The following CARMIL1 variants were observed in gnomAD, a reference collection of about 807,000 sequenced individuals.
CARMIL1 encodes the protein F-actin-uncapping protein LRRC16A.
A neutral mutation model predicts 177.1 loss-of-function variants in CARMIL1; 90 were observed. The observed-to-expected ratio is 0.51, with a 90% confidence interval of 0.43 to 0.61. The LOEUF is 0.61. Ranked by LOEUF, CARMIL1 falls within the 20% of genes least tolerant of loss-of-function variation. The pLI is 0.00. For missense variants in CARMIL1, 1,380 were observed against 1,667.0 expected (o/e 0.83, Z 3.00); for synonymous variants, 577 against 606.2 (o/e 0.95, Z 0.71).
chr6:25,375,463 C>T (rs1790877480), intron 2 of CARMIL1, among the ~76,000 whole-genome samples: 1 of 152,146 alleles, frequency 6.6e-6, no homozygotes, highest in African/African-American at 2.4e-5. Context: ...GACTGTATGC[C>T]TTGATGGTGT....
chr6:25,337,315 C>T (rs917561122), intron 2 of CARMIL1, among the ~76,000 whole-genome samples: 1 of 152,124 alleles, frequency 6.6e-6, no homozygotes, highest in African/African-American at 2.4e-5. Flanking sequence ...ATAACATTTC[C>T]TGAGGATTGC....
At chr6:25,490,050 G>A (rs1163533718) in intron 13 of CARMIL1, among the ~76,000 whole-genome samples, 4 of 152,294 alleles carry the variant, frequency 2.6e-5, no homozygotes, top group South Asian at 4.1e-4. Context: ...TCCTGTTGTA[G>A]CTTGCTTCTG....
chr6:25,356,097 C>CCGGACTG (rs1275162555), intron 2 of CARMIL1, among the ~76,000 whole-genome samples: 3 of 151,242 alleles, frequency 2.0e-5, no homozygotes, highest in East Asian at 1.9e-4. Flanking sequence ...GTCGCCCAGG[C>CCGGACTG]CGGACTGCGG....
At chr6:25,415,513 A>C (rs1457878972) in intron 2 of CARMIL1, among the ~76,000 whole-genome samples, 1 of 140,636 alleles carries the variant, frequency 7.1e-6, no homozygotes, top group African/African-American at 2.7e-5. Context: ...GTTATTCCCT[A>C]AAGTGCAACA....
In CARMIL1 at chr6:25,282,906, A is replaced by G. The variant is rs1162810995; in HGVS notation, c.41-1906A>G. Among the ~76,000 whole-genome samples the G allele has an allele frequency of 3.3e-5, 5 of 152,194 alleles. 1 individual carries two copies. The South Asian group carries it at 6.2e-4, about 19-fold the overall frequency. ...CCTGTGAAATGCAAAGACCATCTCT[A>G]TCTAGCACCTAGTAGAGTACCTGAC... On this transcript the variant is annotated intron_variant, in intron 1 of 36. Coordinates refer to ENST00000329474, the MANE Select transcript of CARMIL1 (RefSeq NM_017640.6).
rs184606101 is a variant in CARMIL1 at position 25,563,778 on chromosome 6, G to C, written c.2742+6928G>C. The C allele has an allele frequency of 5.1e-6, 5 of 985,270 alleles. No individual in the cohort carries two copies. In the African/African-American group the frequency reaches 8.7e-5, roughly 17 times the overall value. 61.0% of individuals were successfully genotyped at this position (985,270 alleles called of 1,614,324 possible). ...GGGAAGAAGTGGCAAGGTAGTTTTG[G>C]TGGATCACAGAACCACCGTCTGTGT... On this transcript the variant is annotated intron_variant, in intron 29 of 36. Coordinates refer to ENST00000329474, the MANE Select transcript of CARMIL1 (RefSeq NM_017640.6).
chr6:25,341,712 T>C (rs1786964487), intron 2 of CARMIL1, among the ~76,000 whole-genome samples: 1 of 152,220 alleles, frequency 6.6e-6, no homozygotes, highest in Non-Finnish European at 1.5e-5. Context: ...CGAGACTCTG[T>C]CTCAAAACAA....
chr6:25,534,209 G>A (rs1808062503), intron 24 of CARMIL1, among the ~76,000 whole-genome samples: 1 of 151,540 alleles, frequency 6.6e-6, no homozygotes, highest in Admixed American at 6.6e-5. Flanking sequence ...CTTTGTATCA[G>A]GGAAGCTGAG....
At chr6:25,431,000 T>A (rs1300789882) in intron 4 of CARMIL1, among the ~76,000 whole-genome samples, 3 of 152,216 alleles carry the variant, frequency 2.0e-5, no homozygotes, top group Non-Finnish European at 4.4e-5. Context: ...AATTTTTTTT[T>A]ATCTTTTCAA....
At chr6:25,352,611 A>C (rs1788219238) in intron 2 of CARMIL1, among the ~76,000 whole-genome samples, 1 of 152,130 alleles carries the variant, frequency 6.6e-6, no homozygotes, top group Non-Finnish European at 1.5e-5. Flanking sequence ...AGATTGGTAA[A>C]TGTTTTTTAA....
At chr6:25,403,194 G>A (rs1256509478) in intron 2 of CARMIL1, among the ~76,000 whole-genome samples, 1 of 151,742 alleles carries the variant, frequency 6.6e-6, no homozygotes, top group Non-Finnish European at 1.5e-5. Context: ...TTTCATGGGT[G>A]TAAACCAAAC....
intron 31 of CARMIL1, among the ~76,000 whole-genome samples, chr6:25,592,845 A>G (rs1047453667): frequency 2.0e-5 from 3 of 152,224 alleles, no homozygotes; most frequent in African/African-American, 7.2e-5. Flanking sequence ...CTTGTATCCA[A>G]CAGCATGGGC....
chr6:25,316,658 T>C (rs2150225328), intron 2 of CARMIL1, among the ~76,000 whole-genome samples: 1 of 152,246 alleles, frequency 6.6e-6, no homozygotes. Context: ...GTGATCTGCC[T>C]GCCTCGGCCT....
chr6:25,497,286 C>T (rs574828302), intron 16 of CARMIL1, among the ~76,000 whole-genome samples: 1 of 152,184 alleles, frequency 6.6e-6, no homozygotes, highest in Admixed American at 6.5e-5. Flanking sequence ...TATGGCCTGT[C>T]ACCTTTAATG....
intron 23 of CARMIL1, among the ~76,000 whole-genome samples, chr6:25,522,805 T>C (rs1806705835): frequency 6.7e-6 from 1 of 148,446 alleles, no homozygotes; most frequent in Non-Finnish European, 1.5e-5. Context: ...TATGACTGGA[T>C]ACTTCATTGA....
intron 2 of CARMIL1, among the ~76,000 whole-genome samples, chr6:25,348,519 C>T (rs192540893): frequency 3.3e-5 from 5 of 152,084 alleles, no homozygotes; most frequent in African/African-American, 9.6e-5. Context: ...CGTGATGGCT[C>T]ACGCCTGTAA....
chr6:25,327,500 A>G (rs1270085638), intron 2 of CARMIL1, among the ~76,000 whole-genome samples: 3 of 152,134 alleles, frequency 2.0e-5, no homozygotes, highest in Non-Finnish European at 4.4e-5. Flanking sequence ...CACAGCCCCA[A>G]TTTTCTATTT....
intron 16 of CARMIL1, among the ~76,000 whole-genome samples, chr6:25,495,975 C>T (rs888253590): frequency 6.6e-6 from 1 of 152,146 alleles, no homozygotes. Flanking sequence ...ATGGATTTCT[C>T]CCTTCCCAGC....
At chr6:25,337,118 A>G (rs1786329798) in intron 2 of CARMIL1, among the ~76,000 whole-genome samples, 1 of 152,220 alleles carries the variant, frequency 6.6e-6, no homozygotes, top group Non-Finnish European at 1.5e-5. Flanking sequence ...AAGGAAACTA[A>G]TGCTTATCAT....
Sources: allele counts gnomAD v4.1 joint callset (sites outside exome capture counted in the v4.1 genomes callset), GRCh38; gene constraint gnomAD v4.1.1; transcripts MANE v1.5; gene names NCBI Gene and HGNC (gene_info 2026-07-23, HGNC 2026-07-21).